ZC3H3: variants seen among roughly 807,000 people sequenced by gnomAD.
ZC3H3 encodes the protein zinc finger CCCH domain-containing protein 3.
In ZC3H3, 36 loss-of-function variants were observed where a neutral mutation model predicts 77.3. The ratio of observed to expected loss-of-function variants is 0.47; its 90% CI spans 0.36 to 0.61. The LOEUF is 0.61. ZC3H3 is among the 20% of genes least tolerant of loss of function. The pLI, the probability that ZC3H3 is intolerant of heterozygous loss-of-function variation, is 0.00. For synonymous variants in ZC3H3, 626 were observed against 555.2 expected (o/e 1.13, Z -1.79); for missense variants, 1,331 against 1,312.2 (o/e 1.01, Z -0.22).
intron 4 of ZC3H3, among the ~76,000 whole-genome samples, chr8:143,497,710 C>A (rs1488097333): frequency 6.6e-6 from 1 of 152,242 alleles, no homozygotes; most frequent in Non-Finnish European, 1.5e-5. Context: ...GGCCAGCAGC[C>A]CCACAGCAGG....
chr8:143,492,084 C>T (rs1305350370), intron 4 of ZC3H3, among the ~76,000 whole-genome samples: 7 of 152,144 alleles, frequency 4.6e-5, no homozygotes, highest in South Asian at 2.1e-4. Context: ...ACATGCGTGC[C>T]GAGAGGGAAT....
At chr8:143,481,069 A>T (rs1244964787) in intron 4 of ZC3H3, among the ~76,000 whole-genome samples, 1 of 152,174 alleles carries the variant, frequency 6.6e-6, no homozygotes, top group Non-Finnish European at 1.5e-5. Context: ...GCTGCCCAGG[A>T]CACCCTCCCT....
At chr8:143,473,503 G>A (rs1055696419) in intron 5 of ZC3H3, among the ~76,000 whole-genome samples, 22 of 152,214 alleles carry the variant, frequency 1.4e-4, no homozygotes, top group African/African-American at 5.1e-4. Flanking sequence ...CACCCAGGCA[G>A]GCAGGTGAGG....
At chr8:143,459,782 A>C (rs1434544768) in intron 9 of ZC3H3, among the ~76,000 whole-genome samples, 1 of 152,152 alleles carries the variant, frequency 6.6e-6, no homozygotes, top group Non-Finnish European at 1.5e-5. Flanking sequence ...AAAAAAACCA[A>C]AAACCTAATA....
At chr8:143,492,583 G>A (rs191729391) in intron 4 of ZC3H3, among the ~76,000 whole-genome samples, 30 of 152,334 alleles carry the variant, frequency 2.0e-4, no homozygotes, top group African/African-American at 4.3e-4. Flanking sequence ...GACTGATGCC[G>A]GAGGGGCCCG....
At chr8:143,495,193 G>A (rs1303220786) in intron 4 of ZC3H3, among the ~76,000 whole-genome samples, 1 of 152,226 alleles carries the variant, frequency 6.6e-6, no homozygotes, top group Admixed American at 6.5e-5. Context: ...AATTAATAAA[G>A]TGCGGAACAA....
chr8:143,451,295 T>C (rs949761054), intron 9 of ZC3H3, among the ~76,000 whole-genome samples: 8 of 151,976 alleles, frequency 5.3e-5, no homozygotes, highest in African/African-American at 1.9e-4. Context: ...CAAAGAACAC[T>C]AGCAAAACCA....
Position 143,461,975 on chromosome 8 carries a change from C to CT in ZC3H3, c.2307+3741dup, listed in dbSNP as rs76981079. ...GGGAAACTGTACTTCAGTTAAGCTG[C>CT]TTTTTTTTTTTTTTTAAAGCTGACA... On this transcript the variant is annotated intron_variant, in intron 9 of 11. Transcript: ENST00000262577. 2.5e-3 allele frequency among the ~76,000 whole-genome samples: 351 copies of CT among 140,660 alleles called. 2 individuals are homozygous for CT. Among genetic ancestry groups the CT allele is most frequent in the Middle Eastern group, 0.018 (5 of 276 alleles). 92.3% of individuals were successfully genotyped at this position (140,660 alleles called of 152,430 possible). A position where few individuals can be genotyped will look rare whatever the true frequency, so the allele number is the denominator to read the frequency against.
At chr8:143,466,770 G>A (rs954515345) in intron 8 of ZC3H3, among the ~76,000 whole-genome samples, 2 of 152,074 alleles carry the variant, frequency 1.3e-5, no homozygotes, top group East Asian at 1.9e-4. Context: ...GGCTATTCCC[G>A]CTCCCCTCCC....
At chr8:143,541,285 G>A in intron 1 of ZC3H3, 91 bp downstream of exon 1, 1 of 1,584,608 alleles carries the variant, frequency 6.3e-7, no homozygotes, top group Non-Finnish European at 8.6e-7. Context: ...CACGCGGGCG[G>A]TGAGCGACCC....
intron 4 of ZC3H3, among the ~76,000 whole-genome samples, chr8:143,491,227 G>A (rs1302320633): frequency 1.3e-5 from 2 of 152,174 alleles, no homozygotes; most frequent in African/African-American, 2.4e-5. Flanking sequence ...CCCCCGGGGG[G>A]CCCTTGAGCT....
In ZC3H3 at chr8:143,440,110, G is replaced by A; in HGVS notation, c.2746C>T (p.Gln916Ter). ...LCKLPSFISL[Q>*]SSPSPGAQPR... Reference sequence around the variant, plus strand: ...TGGGCTCCTGGGCTCGGCGAGGACTGCAGGGAGATGAAGGAAGGCAGCTTG... The same window carrying A: ...TGGGCTCCTGGGCTCGGCGAGGACTACAGGGAGATGAAGGAAGGCAGCTTG... The change falls in exon 11 of 12, where the codon CAG becomes TAG. Residue 916 changes from glutamine to a stop codon, truncating the protein, a stop_gained. Coordinates refer to ENST00000262577, the MANE Select transcript of ZC3H3 (RefSeq NM_015117.3). LOFTEE classifies it high-confidence loss of function. The A allele has an allele frequency of 6.2e-7, 1 of 1,609,746 alleles. No individual in the cohort carries two copies. Among genetic ancestry groups the A allele is most frequent in the Non-Finnish European group, 8.5e-7 (1 of 1,179,100 alleles).
intron 4 of ZC3H3, among the ~76,000 whole-genome samples, chr8:143,490,368 C>A (rs1366192265): frequency 6.6e-6 from 1 of 152,242 alleles, no homozygotes; most frequent in African/African-American, 2.4e-5. Context: ...ACTCCTGTCC[C>A]CTGTGGGGGC....
At chr8:143,440,889 G>A in intron 10 of ZC3H3, 47 bp downstream of exon 10, 1 of 1,357,138 alleles carries the variant, frequency 7.4e-7, no homozygotes, top group Middle Eastern at 2.6e-4. Flanking sequence ...CCCAGACAGG[G>A]AGGGGGCCAC....
At chr8:143,444,621 GAT>G (rs1435503664) in intron 9 of ZC3H3, among the ~76,000 whole-genome samples, 1 of 152,212 alleles carries the variant, frequency 6.6e-6, no homozygotes, top group African/African-American at 2.4e-5. Flanking sequence ...AGAATCATAT[GAT>G]CACCTCACAG....
At chr8:143,483,295 C>G (rs562947387) in intron 4 of ZC3H3, among the ~76,000 whole-genome samples, 1 of 152,342 alleles carries the variant, frequency 6.6e-6, no homozygotes, top group East Asian at 1.9e-4. Flanking sequence ...CATGTGTGTC[C>G]ATGCGTGTGC....
chr8:143,471,511 C>A (rs1820562499), intron 5 of ZC3H3, among the ~76,000 whole-genome samples: 1 of 152,160 alleles, frequency 6.6e-6, no homozygotes, highest in African/African-American at 2.4e-5. Context: ...AGCCCTGTGG[C>A]CAGAGACTGG....
At chr8:143,513,011 G>T (rs1361525224) in intron 3 of ZC3H3, among the ~76,000 whole-genome samples, 3 of 152,146 alleles carry the variant, frequency 2.0e-5, no homozygotes, top group African/African-American at 4.8e-5. Flanking sequence ...AGTCGGGGCT[G>T]CAAGAGGCGG....
intron 9 of ZC3H3, among the ~76,000 whole-genome samples, chr8:143,457,443 T>C (rs75564161): frequency 6.6e-6 from 1 of 151,922 alleles, no homozygotes; most frequent in South Asian, 2.1e-4. Context: ...CAAAAAAAAA[T>C]CACAGGAGCT....
Sources: gnomAD v4.1 joint callset for allele counts (sites outside exome capture counted in the v4.1 genomes callset) on GRCh38, gnomAD v4.1.1 for gene constraint, MANE v1.5 for transcripts, NCBI Gene and HGNC (gene_info 2026-07-23, HGNC 2026-07-21) for gene names.